The following PLCXD1 variants were observed in gnomAD, a reference collection of about 807,000 sequenced individuals.
The protein encoded by PLCXD1 is PI-PLC X domain-containing protein 1.
Under a neutral mutation model 37.8 loss-of-function variants are expected in PLCXD1, and 45 were observed. That is an observed-to-expected ratio of 1.19 (90% CI 0.94 to 1.53). The LOEUF (loss-of-function observed/expected upper bound fraction) is 1.53, where lower values mean the gene tolerates loss of function less well. Among genes scored for constraint, PLCXD1 ranks in the 40% most tolerant of loss-of-function variants. The pLI is 0.00. For missense variants in PLCXD1, 539 were observed against 454.7 expected (o/e 1.19, Z -1.69); for synonymous variants, 246 against 206.9 (o/e 1.19, Z -1.62).
At chrX:285,267 TGC>T (rs1213505348) in intron 2 of PLCXD1, among the ~76,000 whole-genome samples, 26 of 152,228 alleles carry the variant, frequency 1.7e-4, no homozygotes, top group African/African-American at 6.0e-4. Context: ...CATGTATACA[TGC>T]ACATAGGCTC....
At chrX:285,582 GACAT>G (rs1229956186) in intron 2 of PLCXD1, among the ~76,000 whole-genome samples, 16 of 150,704 alleles carry the variant, frequency 1.1e-4, no homozygotes, top group Admixed American at 2.0e-4. Flanking sequence ...TATTCACATA[GACAT>G]ACATGAATGC....
rs2070011650 is a variant in PLCXD1 at position 301,393 on chromosome X, C to CTCA, written c.*2059_*2061dup. On this transcript the variant is annotated 3_prime_UTR_variant, in exon 7 of 7. Transcript: ENST00000381657. ...TCCTGGGCTCAACTGATCCTCCCAC[C>CTCA]TCAACCTCTGCCATAGCCAGGACCT... The CTCA allele has an allele frequency of 6.6e-6, 1 of 151,972 alleles. No individual in the cohort carries two copies. Among genetic ancestry groups the CTCA allele is most frequent in the Non-Finnish European group, 1.5e-5 (1 of 68,156 alleles). The allele number at this position is 151,972 out of a possible 1,614,324, so 9.4% of individuals were successfully genotyped here. A position where few individuals can be genotyped will look rare whatever the true frequency, so the allele number is the denominator to read the frequency against.
At chrX:283,192 G>A (rs1331457842) in intron 1 of PLCXD1, 3 of 150,306 alleles carry the variant, frequency 2.0e-5, no homozygotes, top group East Asian at 2.0e-4. Context: ...CCAGCACCGC[G>A]GAGGTTGCGG....
chrX:280,202 C>G (rs2069233400), upstream of PLCXD1, among the ~76,000 whole-genome samples: 1 of 152,124 alleles, frequency 6.6e-6, no homozygotes, highest in Non-Finnish European at 1.5e-5. Context: ...CCCCGGGACC[C>G]TGGGCATCCG....
At position 302,230 on chromosome X, in the gene PLCXD1, G is replaced by T. The variant is rs1232841884; in HGVS notation, c.*2895G>T. On this transcript the variant is annotated 3_prime_UTR_variant, in exon 7 of 7. Coordinates refer to ENST00000381657, the MANE Select transcript of PLCXD1 (RefSeq NM_018390.4). Reference sequence around the variant, plus strand: ...TCAGTGGCCTCTCTGTGCTAGTCCCGGTCACCTCCGTGAATTAAAGTCCTA... The same window carrying T: ...TCAGTGGCCTCTCTGTGCTAGTCCCTGTCACCTCCGTGAATTAAAGTCCTA... 3.3e-5 allele frequency: 5 copies of T among 150,496 alleles called. No individual in the cohort carries two copies. Among genetic ancestry groups the T allele is most frequent in the African/African-American group, 4.9e-5 (2 of 40,868 alleles). 9.3% of individuals were successfully genotyped at this position (150,496 alleles called of 1,614,324 possible). A position where few individuals can be genotyped will look rare whatever the true frequency, so the allele number is the denominator to read the frequency against.
chrX:285,116 ACATG>A, intron 2 of PLCXD1, among the ~76,000 whole-genome samples: 1 of 111,808 alleles, frequency 8.9e-6, no homozygotes. Context: ...ATACACACAC[ACATG>A]CATGCGCACA....
At chrX:279,526 C>T (rs2069217834), upstream of PLCXD1, among the ~76,000 whole-genome samples, 1 of 152,176 alleles carries the variant, frequency 6.6e-6, no homozygotes, top group Non-Finnish European at 1.5e-5. Context: ...CATCCCAGCA[C>T]TTTGGGAAGC....
chrX:288,233 GGC>G (rs1453089095), intron 2 of PLCXD1, among the ~76,000 whole-genome samples: 1 of 152,052 alleles, frequency 6.6e-6, no homozygotes, highest in African/African-American at 2.4e-5. Flanking sequence ...ACAGGTTCTG[GGC>G]AGGGGGTTAG....
At chrX:280,211 C>T (rs1014538521), upstream of PLCXD1, among the ~76,000 whole-genome samples, 3 of 152,156 alleles carry the variant, frequency 2.0e-5, no homozygotes, top group East Asian at 3.9e-4. Flanking sequence ...CCTGGGCATC[C>T]GGAGGCTCAC....
At chrX:276,881 C>T (rs1399543626), upstream of PLCXD1, among the ~76,000 whole-genome samples, 2 of 152,158 alleles carry the variant, frequency 1.3e-5, no homozygotes, top group Non-Finnish European at 2.9e-5. Flanking sequence ...GTTGAATGTG[C>T]GCGTCACGGC....
chrX:292,100 G>A (rs912812159), intron 5 of PLCXD1, among the ~76,000 whole-genome samples: 2 of 152,044 alleles, frequency 1.3e-5, no homozygotes, highest in East Asian at 1.9e-4. Flanking sequence ...AAGAGATTGA[G>A]ACTATCCTGG....
At chrX:280,371 G>C (rs187246176), upstream of PLCXD1, among the ~76,000 whole-genome samples, 8 of 35,986 alleles carry the variant, frequency 2.2e-4, no homozygotes, top group African/African-American at 7.4e-4. Flanking sequence ...GCCGTGCAGG[G>C]GGAAGGGAGG....
chrX:295,587 C>T (rs1333060652), intron 6 of PLCXD1, among the ~76,000 whole-genome samples: 30 of 151,366 alleles, frequency 2.0e-4, no homozygotes, highest in Middle Eastern at 3.4e-3. Flanking sequence ...TGCAGTGGCG[C>T]GATCTCGGCT....
At chrX:291,302 C>A (rs1341730735) in intron 4 of PLCXD1, among the ~76,000 whole-genome samples, 197 bp from the exon 5 acceptor site, 1 of 152,056 alleles carries the variant, frequency 6.6e-6, no homozygotes, top group African/African-American at 2.4e-5. Flanking sequence ...CCGGACACCA[C>A]GCCCAGCTAA....
At chrX:289,846 C>T (rs1191290417) in intron 3 of PLCXD1, among the ~76,000 whole-genome samples, 1 of 152,084 alleles carries the variant, frequency 6.6e-6, no homozygotes, top group African/African-American at 2.4e-5. Flanking sequence ...TCAAGACAGA[C>T]AAGGACTCAT....
At chrX:293,285 G>T in intron 6 of PLCXD1, 67 bp downstream of exon 6, 1 of 1,245,250 alleles carries the variant, frequency 8.0e-7, no homozygotes, top group Non-Finnish European at 1.1e-6. Flanking sequence ...GGCAGGCCGG[G>T]TCCACATGGA....
chrX:279,706 G>A (rs1292461999), upstream of PLCXD1, among the ~76,000 whole-genome samples: 15 of 151,722 alleles, frequency 9.9e-5, no homozygotes, highest in South Asian at 2.1e-4. Context: ...TCCAGGAGGC[G>A]GAGGCTGCAG....
At chrX:286,878 G>A (rs1275250161) in intron 2 of PLCXD1, among the ~76,000 whole-genome samples, 1 of 151,964 alleles carries the variant, frequency 6.6e-6, no homozygotes, top group African/African-American at 2.4e-5. Flanking sequence ...GGGGCAGCAG[G>A]AGAAGTACTG....
chrX:285,872 G>A (rs1166786531), intron 2 of PLCXD1, among the ~76,000 whole-genome samples: 2 of 152,098 alleles, frequency 1.3e-5, no homozygotes, highest in African/African-American at 4.8e-5. Flanking sequence ...CCTCCAACTC[G>A]CCTTAGGAAG....
Sources: gnomAD v4.1 joint callset for allele counts (sites outside exome capture counted in the v4.1 genomes callset) on GRCh38, gnomAD v4.1.1 for gene constraint, MANE v1.5 for transcripts, NCBI Gene and HGNC (gene_info 2026-07-23, HGNC 2026-07-21) for gene names.